ARL8B: variants seen among roughly 807,000 people sequenced by gnomAD.
ARL8B encodes ARF like GTPase 8B.
In ARL8B, 9 loss-of-function variants were observed where a neutral mutation model predicts 30.6. The ratio of observed to expected loss-of-function variants is 0.29; its 90% CI spans 0.18 to 0.51. ARL8B has a LOEUF of 0.51. Ranked by LOEUF, ARL8B falls within the 20% of genes least tolerant of loss-of-function variation. The probability of loss-of-function intolerance (pLI) is 0.97; values close to 1 mark genes in which losing one functional copy is unlikely to be tolerated. For synonymous variants in ARL8B, 74 were observed against 76.0 expected (o/e 0.97, Z 0.14); for missense variants, 130 against 227.2 (o/e 0.57, Z 2.75).
chr3:5,149,052 G>A (rs567207297), intron 1 of ARL8B, among the ~76,000 whole-genome samples: 30 of 152,330 alleles, frequency 2.0e-4, no homozygotes, highest in African/African-American at 6.5e-4. Flanking sequence ...GGCTGTTTGC[G>A]TCGCAGGAGA....
At chr3:5,125,433 G>GT (rs1559273392) in intron 1 of ARL8B, among the ~76,000 whole-genome samples, 3 of 151,902 alleles carry the variant, frequency 2.0e-5, no homozygotes, top group African/African-American at 7.3e-5. Context: ...CGCATCATGT[G>GT]TTCCCCCCTG....
chr3:5,147,885 T>A (rs1467532817), intron 1 of ARL8B, among the ~76,000 whole-genome samples: 1 of 150,348 alleles, frequency 6.7e-6, no homozygotes, highest in African/African-American at 2.5e-5. Context: ...TCTCTTTTTC[T>A]TGTTGAATCT....
intron 2 of ARL8B, 56 bp downstream of exon 2, chr3:5,170,639 T>C (rs2054664455): frequency 1.5e-6 from 2 of 1,345,930 alleles, no homozygotes; most frequent in African/African-American, 1.5e-5. Context: ...CCCTAGAAAT[T>C]TTTCTGTTAA....
intron 1 of ARL8B, among the ~76,000 whole-genome samples, chr3:5,143,555 C>G (rs565942458): frequency 6.6e-6 from 1 of 152,194 alleles, no homozygotes; most frequent in Admixed American, 6.5e-5. Flanking sequence ...CCTTCCCTTC[C>G]GAGGTCTCTT....
chr3:5,172,338 T>G, intron 3 of ARL8B, 115 bp downstream of exon 3: 1 of 881,132 alleles, frequency 1.1e-6, no homozygotes, highest in Non-Finnish European at 1.8e-6. Flanking sequence ...AAAATCTTTC[T>G]TAGCTAATAT....
At chr3:5,174,802 T>A (rs1156910113) in intron 6 of ARL8B, among the ~76,000 whole-genome samples, 7 of 147,420 alleles carry the variant, frequency 4.7e-5, no homozygotes, top group South Asian at 2.1e-4. Context: ...ATAAATAATA[T>A]TATATGTATA....
chr3:5,136,563 T>C (rs1192302026), intron 1 of ARL8B, among the ~76,000 whole-genome samples: 1 of 152,214 alleles, frequency 6.6e-6, no homozygotes, highest in Non-Finnish European at 1.5e-5. Context: ...TTGTGCCAAG[T>C]GTTTTAAGTC....
intron 4 of ARL8B, among the ~76,000 whole-genome samples, chr3:5,173,590 C>T (rs1041331999): frequency 6.6e-6 from 1 of 152,042 alleles, no homozygotes. Flanking sequence ...ATCAGCTGGG[C>T]GTGGTGGTGG....
At chr3:5,135,045 C>T (rs575995780) in intron 1 of ARL8B, among the ~76,000 whole-genome samples, 4 of 152,270 alleles carry the variant, frequency 2.6e-5, no homozygotes, top group African/African-American at 7.2e-5. Flanking sequence ...CACAGGGTTT[C>T]GCCATGTTGG....
intron 1 of ARL8B, among the ~76,000 whole-genome samples, chr3:5,149,087 C>T (rs970740438): frequency 1.3e-5 from 2 of 152,230 alleles, no homozygotes; most frequent in African/African-American, 4.8e-5. Context: ...TGGGACTCCG[C>T]ACTTGCTTCA....
At chr3:5,132,026 G>A (rs1431809340) in intron 1 of ARL8B, among the ~76,000 whole-genome samples, 3 of 152,152 alleles carry the variant, frequency 2.0e-5, no homozygotes, top group Non-Finnish European at 4.4e-5. Context: ...GGGGCTACAG[G>A]CATGTGCCGT....
chr3:5,127,187 C>T (rs2054237864), intron 1 of ARL8B, among the ~76,000 whole-genome samples: 1 of 152,104 alleles, frequency 6.6e-6, no homozygotes, highest in African/African-American at 2.4e-5. Context: ...CTAGCAGATC[C>T]AGTGAGGTTA....
At chr3:5,172,008 G>A (rs2054681133) in intron 2 of ARL8B, 142 bp from the exon 3 acceptor site, 1 of 684,342 alleles carries the variant, frequency 1.5e-6, no homozygotes, top group Admixed American at 2.6e-5. Context: ...GCTTGTTTGA[G>A]GTCAAGTCTT....
chr3:5,136,576 C>G (rs2054327430), intron 1 of ARL8B, among the ~76,000 whole-genome samples: 1 of 152,184 alleles, frequency 6.6e-6, no homozygotes, highest in Non-Finnish European at 1.5e-5. Context: ...TTTAAGTCTA[C>G]TCTACTAGCT....
At chr3:5,157,061 A>G (rs2054540097) in intron 1 of ARL8B, 1 of 152,206 alleles carries the variant, frequency 6.6e-6, no homozygotes, top group Admixed American at 6.5e-5. Context: ...GTTTTGTTAT[A>G]GCAGACAGTT....
intron 1 of ARL8B, among the ~76,000 whole-genome samples, chr3:5,135,847 C>T (rs1401422205): frequency 4.1e-5 from 6 of 144,606 alleles, no homozygotes; most frequent in African/African-American, 1.0e-4. Flanking sequence ...AGTGCAGTGG[C>T]GCGATGTTGG....
At chr3:5,123,165 A>G (rs1281828558) in intron 1 of ARL8B, among the ~76,000 whole-genome samples, 2 of 152,146 alleles carry the variant, frequency 1.3e-5, no homozygotes, top group East Asian at 3.9e-4. Context: ...CGCGGAGACC[A>G]AGCTCATTGC....
chr3:5,159,841 A>G (rs1001116498), intron 1 of ARL8B, among the ~76,000 whole-genome samples: 1 of 152,084 alleles, frequency 6.6e-6, no homozygotes, highest in African/African-American at 2.4e-5. Flanking sequence ...TTAGTTCCCA[A>G]AATACCCAGT....
At chr3:5,141,138 A>G (rs1355615043) in intron 1 of ARL8B, among the ~76,000 whole-genome samples, 1 of 152,110 alleles carries the variant, frequency 6.6e-6, no homozygotes, top group Non-Finnish European at 1.5e-5. Context: ...CTCCCCTTTT[A>G]GGGGCTGACC....
Sources: allele counts gnomAD v4.1 joint callset (sites outside exome capture counted in the v4.1 genomes callset), GRCh38; gene constraint gnomAD v4.1.1; transcripts MANE v1.5; gene names NCBI Gene and HGNC (gene_info 2026-07-23, HGNC 2026-07-21).